Variants in GLT8D2 observed in about 807,000 individuals in gnomAD.
The protein encoded by GLT8D2 is glycosyltransferase 8 domain containing 2, also known as glycosyltransferase 8 domain-containing protein 2.
Under a neutral mutation model 44.5 loss-of-function variants are expected in GLT8D2, and 45 were observed. The observed-to-expected ratio is 1.01, with a 90% confidence interval of 0.80 to 1.30. The LOEUF (loss-of-function observed/expected upper bound fraction) is 1.30. Ranked by LOEUF, GLT8D2 falls within the 50% of genes most tolerant of loss-of-function variation. GLT8D2 has a pLI of 0.00. For synonymous variants in GLT8D2, 156 were observed against 157.2 expected (o/e 0.99, Z 0.06); for missense variants, 400 against 430.4 (o/e 0.93, Z 0.62).
chr12:104,024,827 T>C (rs888054135), intron 1 of GLT8D2, among the ~76,000 whole-genome samples: 3 of 152,140 alleles, frequency 2.0e-5, no homozygotes, highest in African/African-American at 7.2e-5. Context: ...TCCCAGCACT[T>C]TGAGAGGTTG....
intron 1 of GLT8D2, among the ~76,000 whole-genome samples, chr12:104,043,462 A>C (rs950520919): frequency 1.3e-5 from 2 of 151,798 alleles, no homozygotes; most frequent in Non-Finnish European, 2.9e-5. Context: ...GGGTGACTCC[A>C]TTTAGTTTTT....
rs547197704 is a variant in GLT8D2 at position 104,040,965 on chromosome 12, A to G, written c.-164+8930T>C. ...GCTATTAGAATGTAAATATGAGTTA[A>G]CTAGCTAAAAATGCTAAGGGGCTGG... On this transcript the variant is annotated intron_variant, in intron 1 of 10. Transcript: ENST00000360814. 3.3e-5 allele frequency among the ~76,000 whole-genome samples: 5 copies of G among 152,182 alleles called. No homozygotes were observed. The East Asian group carries it at 5.8e-4, about 18-fold the overall frequency.
intron 1 of GLT8D2, among the ~76,000 whole-genome samples, chr12:104,042,216 G>C (rs182833980): frequency 3.3e-5 from 5 of 152,172 alleles, no homozygotes; most frequent in African/African-American, 1.2e-4. Context: ...AAATCTACTG[G>C]GAATATCTGA....
At chr12:104,007,942 G>T (rs1875302560) in intron 4 of GLT8D2, among the ~76,000 whole-genome samples, 1 of 152,208 alleles carries the variant, frequency 6.6e-6, no homozygotes, top group Admixed American at 6.5e-5. Flanking sequence ...CATGTAAGAA[G>T]TGCCTTTCGC....
chr12:103,991,119 A>G (rs78607161), intron 10 of GLT8D2, among the ~76,000 whole-genome samples: 6,017 of 152,266 alleles, frequency 0.04, 422 homozygotes, highest in African/African-American at 0.14. Flanking sequence ...GCTCTGTCCT[A>G]CAAAGAAAAA....
chr12:104,024,180 G>A (rs953820136), intron 1 of GLT8D2, among the ~76,000 whole-genome samples: 14 of 152,102 alleles, frequency 9.2e-5, no homozygotes, highest in African/African-American at 2.9e-4. Context: ...TCAGGAGTTC[G>A]AGACCAGCCC....
intron 6 of GLT8D2, among the ~76,000 whole-genome samples, chr12:103,997,988 T>C (rs971555448): frequency 6.6e-6 from 1 of 151,698 alleles, no homozygotes. Flanking sequence ...CTCAACCTTT[T>C]AGCTCCTTGA....
At chr12:104,039,790 T>C (rs1296084427) in intron 1 of GLT8D2, among the ~76,000 whole-genome samples, 1 of 152,218 alleles carries the variant, frequency 6.6e-6, no homozygotes, top group Non-Finnish European at 1.5e-5. Flanking sequence ...GCCATCCTAT[T>C]ACTGGGTATA....
chr12:104,023,585 A>G (rs368774733), intron 1 of GLT8D2, among the ~76,000 whole-genome samples: 7 of 152,238 alleles, frequency 4.6e-5, no homozygotes, highest in South Asian at 4.1e-4. Flanking sequence ...CTATAGTTCT[A>G]TGGACTTTTA....
chr12:104,042,253 G>A (rs563027338), intron 1 of GLT8D2, among the ~76,000 whole-genome samples: 2 of 152,290 alleles, frequency 1.3e-5, no homozygotes, highest in Non-Finnish European at 2.9e-5. Context: ...TGGATGAAGT[G>A]TCAACTCCCC....
intron 9 of GLT8D2, 68 bp from the exon 10 acceptor site, chr12:103,993,572 G>C (rs1873043842): frequency 1.0e-6 from 1 of 967,178 alleles, no homozygotes. Context: ...AGTCGAATCT[G>C]ATATTGTAAA....
chr12:104,027,118 C>T (rs1302357950), intron 1 of GLT8D2, among the ~76,000 whole-genome samples: 1 of 152,156 alleles, frequency 6.6e-6, no homozygotes, highest in Non-Finnish European at 1.5e-5. Context: ...TACAATGTTC[C>T]TTTTATTTTC....
intron 1 of GLT8D2, among the ~76,000 whole-genome samples, chr12:104,029,387 A>G (rs1215340140): frequency 6.6e-6 from 1 of 152,218 alleles, no homozygotes; most frequent in Non-Finnish European, 1.5e-5. Context: ...TATGGCATTA[A>G]TGTTAAATTT....
chr12:104,026,936 G>A (rs550049592), intron 1 of GLT8D2, among the ~76,000 whole-genome samples: 2 of 152,180 alleles, frequency 1.3e-5, no homozygotes, highest in Non-Finnish European at 2.9e-5. Context: ...ATAACCTTTA[G>A]AAACTAACAA....
rs923654999 is a variant in GLT8D2, at chr12:104,030,970, C to T, written c.-163-9479G>A. On this transcript the variant is annotated intron_variant, in intron 1 of 10. Transcript: ENST00000360814. ...TCACCTCAGTGCAGAAGAGAGCGAT[C>T]CGGACCCTCTGGACAGTGCTAGATG... 1.0e-4 allele frequency: 141 copies of T among 1,391,728 alleles called. 1 individual carries two copies. Among genetic ancestry groups the T allele is most frequent in the Middle Eastern group, 2.5e-4 (1 of 4,036 alleles). The allele number at this position is 1,391,728 out of a possible 1,614,324, so 86.2% of individuals were successfully genotyped here. A position where few individuals can be genotyped will look rare whatever the true frequency, so the allele number is the denominator to read the frequency against.
At chr12:103,991,864 C>T (rs1319648282) in intron 10 of GLT8D2, among the ~76,000 whole-genome samples, 6 of 149,622 alleles carry the variant, frequency 4.0e-5, no homozygotes, top group Admixed American at 3.3e-4. Flanking sequence ...GACATAACAC[C>T]TTGCAGGGTT....
Position 103,994,475 on chromosome 12 carries a change from G to A in GLT8D2, c.627C>T (p.Tyr209=), listed in dbSNP as rs758913263. 2 of 1,613,962 alleles carry A rather than the reference G, an allele frequency of 1.2e-6. No individual in the cohort carries two copies. The highest frequency in any genetic ancestry group is 4.5e-5 in the East Asian group (2 of 44,874). ...LQNTYMGYLD[Y]RKKAIKDLGI... ...CAAGGTCCTTGATGGCCTTCTTCCG[G>A]TAGTCCAGATAGCCCATATATGTGT... is the stretch of plus-strand genomic sequence containing the variant. The change falls in exon 9 of 11, where the codon TAC becomes TAT. Residue 209 remains tyrosine, a synonymous_variant. Coordinates refer to ENST00000360814, the MANE Select transcript of GLT8D2 (RefSeq NM_001384711.1).
rs368894147 is a variant in GLT8D2, at chr12:104,046,833, A to AT, written c.-164+3061dup. On this transcript the variant is annotated intron_variant, in intron 1 of 10. Transcript: ENST00000360814. ...ATACATAGAACAGGTGTCTTACTCC[A>AT]TTTTTTTTTTTGACAGGGTCTTACT... Among the ~76,000 whole-genome samples the AT allele has an allele frequency of 9.1e-3, 1,340 of 147,224 alleles. 25 individuals are homozygous for AT. The highest frequency in any genetic ancestry group is 0.044 in the South Asian group (207 of 4,664).
At position 103,989,574 on chromosome 12, in the gene GLT8D2, C is replaced by G; in HGVS notation, c.884G>C (p.Trp295Ser). The G allele has an allele frequency of 6.2e-7, 1 of 1,611,028 alleles. No individual in the cohort carries two copies. The highest frequency in any genetic ancestry group is 8.5e-7 in the Non-Finnish European group (1 of 1,178,590). Reference sequence around the variant, plus strand: ...CTCCGAATATCTGGCATCTGGATTCCAGCCTTCATTGTGTATAGAGAAAAA... The same window carrying G: ...CTCCGAATATCTGGCATCTGGATTCGAGCCTTCATTGTGTATAGAGAAAAA... ...NPLWHIRHLG[W>S]NPDARYSEHF... The change falls in exon 11 of 11, where the codon TGG becomes TCG. Residue 295 changes from tryptophan to serine, a missense_variant. By Grantham distance (177) the Trp-to-Ser change is radical. Coordinates refer to ENST00000360814, the MANE Select transcript of GLT8D2 (RefSeq NM_001384711.1).
Sources: allele counts gnomAD v4.1 joint callset (sites outside exome capture counted in the v4.1 genomes callset), GRCh38; gene constraint gnomAD v4.1.1; transcripts MANE v1.5; gene names NCBI Gene and HGNC (gene_info 2026-07-23, HGNC 2026-07-21).